Variants in CALD1 observed in about 807,000 individuals in gnomAD.
The protein encoded by CALD1 is caldesmon 1.
A neutral mutation model predicts 99.9 loss-of-function variants in CALD1; 33 were observed. That is an observed-to-expected ratio of 0.33 (90% CI 0.25 to 0.44). CALD1 has a LOEUF of 0.44. Ranked by LOEUF, CALD1 falls within the 20% of genes least tolerant of loss-of-function variation. The pLI is 1.00. For synonymous variants in CALD1, 310 were observed against 325.0 expected, an observed-to-expected ratio of 0.95 and a Z score of 0.50; for missense variants, 861 against 962.1, an observed-to-expected ratio of 0.89 and a Z score of 1.39.
chr7:134,943,082 G>A (rs1290498503), intron 7 of CALD1, among the ~76,000 whole-genome samples: 1 of 152,164 alleles, frequency 6.6e-6, no homozygotes, highest in Non-Finnish European at 1.5e-5. Context: ...GTGAGTTTTA[G>A]TTTCAATTAG....
At chr7:134,939,545 C>T (rs1806261882) in intron 6 of CALD1, among the ~76,000 whole-genome samples, 1 of 152,156 alleles carries the variant, frequency 6.6e-6, no homozygotes, top group Non-Finnish European at 1.5e-5. Context: ...AGATTGAAGT[C>T]TTAACTAATT....
the CALD1 span, among the ~76,000 whole-genome samples, chr7:134,711,693 T>C: frequency 1.0e-5 from 1 of 96,522 alleles, no homozygotes; most frequent in South Asian, 4.5e-4. Context: ...TGTGTGTGTG[T>C]GTGTGTGTGT....
At chr7:134,814,015 T>C (rs1301321842) in intron 1 of CALD1, among the ~76,000 whole-genome samples, 1 of 152,138 alleles carries the variant, frequency 6.6e-6, no homozygotes, top group Non-Finnish European at 1.5e-5. Context: ...CTGAGAATTA[T>C]GGCAGAAGTA....
intron 3 of CALD1, among the ~76,000 whole-genome samples, chr7:134,889,506 G>A (rs536555927): frequency 5.9e-5 from 9 of 152,256 alleles, no homozygotes; most frequent in East Asian, 1.9e-4. Flanking sequence ...CTTTTGCCAC[G>A]CAAATTAACA....
At chr7:134,946,490 G>A (rs1434891518) in intron 7 of CALD1, among the ~76,000 whole-genome samples, 3 of 152,028 alleles carry the variant, frequency 2.0e-5, no homozygotes, top group African/African-American at 7.2e-5. Flanking sequence ...TCCTGCTACC[G>A]CCCACCCTCT....
intron 1 of CALD1, among the ~76,000 whole-genome samples, chr7:134,836,523 C>A (rs1799447915): frequency 6.6e-6 from 1 of 151,986 alleles, no homozygotes; most frequent in Admixed American, 6.5e-5. Flanking sequence ...TACCTTTTCA[C>A]AAACTTTGGA....
At position 134,947,706 on chromosome 7, in the gene CALD1, G is replaced by T. The variant is rs773589171; in HGVS notation, c.1731G>T (p.Lys577Asn). 7 of 1,611,406 alleles carry T rather than the reference G, an allele frequency of 4.3e-6. No individual in the cohort carries two copies. In the African/African-American group the frequency reaches 9.4e-5, roughly 22 times the overall value. ...AGAAAAAGAGGGAGGAGAGAAGGAA[G>T]GTCCTGGAGGAGGAAGAGCAGAGGA... Reference protein sequence around the residue: ...ELKKKREERRKVLEEEEQRRK... With the variant: ...ELKKKREERRNVLEEEEQRRK... The change falls in exon 8 of 15, where the codon AAG (lysine) becomes AAT (asparagine). Residue 577 changes from lysine (K) to asparagine (N), a missense_variant. Transcript: ENST00000361675.
chr7:134,870,638 C>T (rs557827394), intron 3 of CALD1, among the ~76,000 whole-genome samples: 1 of 152,074 alleles, frequency 6.6e-6, no homozygotes, highest in South Asian at 2.1e-4. Flanking sequence ...GTCTGTATTA[C>T]TTCTTTTGGG....
intron 1 of CALD1, among the ~76,000 whole-genome samples, chr7:134,795,805 C>T (rs554064625): frequency 9.9e-5 from 15 of 152,214 alleles, no homozygotes; most frequent in African/African-American, 3.4e-4. Flanking sequence ...ACAAAAAATA[C>T]TTCACCCACA....
chr7:134,767,736 A>C (rs1389237434), intron 1 of CALD1, among the ~76,000 whole-genome samples: 3 of 152,232 alleles, frequency 2.0e-5, no homozygotes, highest in African/African-American at 7.2e-5. Flanking sequence ...AGGACTTGCC[A>C]TCCTGGAGTC....
the CALD1 span, among the ~76,000 whole-genome samples, chr7:134,720,243 T>TC: frequency 6.6e-6 from 1 of 151,540 alleles, no homozygotes; most frequent in Admixed American, 6.6e-5. Flanking sequence ...GGAAAGTTTC[T>TC]CTTCTTCAAG....
chr7:134,760,602 CAT>C (rs1796768581), intron 1 of CALD1, among the ~76,000 whole-genome samples: 1 of 152,000 alleles, frequency 6.6e-6, no homozygotes, highest in South Asian at 2.1e-4. Flanking sequence ...GTCTGAAAAA[CAT>C]AGAATTTAGA....
At chr7:134,807,924 G>C (rs1227321175) in intron 1 of CALD1, among the ~76,000 whole-genome samples, 1 of 151,962 alleles carries the variant, frequency 6.6e-6, no homozygotes, top group African/African-American at 2.4e-5. Flanking sequence ...CACCGTGCCC[G>C]GCCGATTATC....
At chr7:134,814,278 T>G (rs1269008724) in intron 1 of CALD1, among the ~76,000 whole-genome samples, 3 of 152,080 alleles carry the variant, frequency 2.0e-5, no homozygotes, top group South Asian at 2.1e-4. Context: ...AAGAAGAGTT[T>G]GAGATACAGG....
chr7:134,898,918 T>G (rs541834253), intron 3 of CALD1, among the ~76,000 whole-genome samples: 3 of 152,298 alleles, frequency 2.0e-5, no homozygotes, highest in Non-Finnish European at 2.9e-5. Flanking sequence ...GTCATGAACC[T>G]ATTTGTAAAG....
At chr7:134,838,934 A>C (rs967406946) in intron 1 of CALD1, among the ~76,000 whole-genome samples, 1 of 152,160 alleles carries the variant, frequency 6.6e-6, no homozygotes, top group Admixed American at 6.5e-5. Context: ...CTTTTTAATG[A>C]TGTGTAACAT....
the CALD1 span, among the ~76,000 whole-genome samples, chr7:134,712,755 A>C: frequency 6.6e-6 from 1 of 152,096 alleles, no homozygotes; most frequent in African/African-American, 2.4e-5. Context: ...TTTAGCTGAG[A>C]TCTGACCCAT....
At chr7:134,855,607 A>C (rs1800265020) in intron 2 of CALD1, among the ~76,000 whole-genome samples, 1 of 152,224 alleles carries the variant, frequency 6.6e-6, no homozygotes, top group African/African-American at 2.4e-5. Flanking sequence ...AGGGTTGACT[A>C]CTTGTAATAT....
At chr7:134,918,476 A>G (rs2132778127) in intron 3 of CALD1, among the ~76,000 whole-genome samples, 1 of 152,358 alleles carries the variant, frequency 6.6e-6, no homozygotes, top group African/African-American at 2.4e-5. Flanking sequence ...TATTTAAGGC[A>G]ACACTGAAAA....
Sources: gnomAD v4.1 joint callset for allele counts (sites outside exome capture counted in the v4.1 genomes callset) on GRCh38, gnomAD v4.1.1 for gene constraint, MANE v1.5 for transcripts, NCBI Gene and HGNC (gene_info 2026-07-23, HGNC 2026-07-21) for gene names.